The following XYLT1 variants were observed in gnomAD, a reference collection of about 807,000 sequenced individuals.
The protein encoded by XYLT1 is xylosyltransferase 1.
In XYLT1, 36 loss-of-function variants were observed where a neutral mutation model predicts 91.3. The ratio of observed to expected loss-of-function variants is 0.39; its 90% CI spans 0.30 to 0.52. The LOEUF (loss-of-function observed/expected upper bound fraction) is 0.52, where lower values mean the gene tolerates loss of function less well. Among genes scored for constraint, XYLT1 ranks in the 20% least tolerant of loss-of-function variants. The probability of loss-of-function intolerance (pLI) is 0.68; values close to 1 mark genes in which losing one functional copy is unlikely to be tolerated. For synonymous variants in XYLT1, 588 were observed against 532.0 expected (o/e 1.11, Z -1.45); for missense variants, 1,242 against 1,284.5 (o/e 0.97, Z 0.51).
intron 3 of XYLT1, among the ~76,000 whole-genome samples, chr16:17,214,255 G>A (rs749284814): frequency 1.3e-5 from 2 of 152,200 alleles, no homozygotes; most frequent in East Asian, 1.9e-4. Context: ...AAGAAGTTTC[G>A]TTTTGAAATC....
intron 3 of XYLT1, among the ~76,000 whole-genome samples, chr16:17,206,156 C>T (rs1230963181): frequency 6.6e-6 from 1 of 152,086 alleles, no homozygotes; most frequent in Non-Finnish European, 1.5e-5. Context: ...CATCTCTGAC[C>T]CCGCTGGGTT....
intron 5 of XYLT1, among the ~76,000 whole-genome samples, chr16:17,179,591 T>C (rs8045876): frequency 0.25 from 37,408 of 152,048 alleles, 5,060 homozygotes; most frequent in South Asian, 0.46. Flanking sequence ...CTAATGAGCA[T>C]GGAGGATGCA....
chr16:17,111,127 T>A (rs1966839947), intron 11 of XYLT1, among the ~76,000 whole-genome samples: 1 of 152,074 alleles, frequency 6.6e-6, no homozygotes, highest in African/African-American at 2.4e-5. Flanking sequence ...ACCATTGCAC[T>A]CCAGCCTGGT....
intron 6 of XYLT1, among the ~76,000 whole-genome samples, chr16:17,142,961 C>A (rs952784174): frequency 6.6e-6 from 1 of 152,048 alleles, no homozygotes; most frequent in African/African-American, 2.4e-5. Context: ...CACGAACCTC[C>A]CCTGAATTTT....
Position 17,134,738 on chromosome 16 carries a change from G to C in XYLT1, c.1765-3C>G. The stretch of plus-strand genomic sequence containing the variant: ...AAGAAGGTAGGCCGGGCTGTCTGCT[G>C]TACTCATGGGATTAAAAATAGAAAA... On this transcript the variant is annotated splice_region_variant and splice_polypyrimidine_tract_variant and intron_variant, in intron 8 of 11. Coordinates refer to ENST00000261381, the MANE Select transcript of XYLT1 (RefSeq NM_022166.4). The C allele has an allele frequency of 6.2e-7, 1 of 1,612,840 alleles. No individual in the cohort carries two copies. The highest frequency in any genetic ancestry group is 8.5e-7 in the Non-Finnish European group (1 of 1,178,948).
intron 2 of XYLT1, among the ~76,000 whole-genome samples, chr16:17,299,338 C>A (rs1440038026): frequency 6.6e-6 from 1 of 152,108 alleles, no homozygotes; most frequent in East Asian, 1.9e-4. Context: ...TGGCAGTAAG[C>A]CCCAGCAGGC....
At chr16:17,135,469 C>T (rs2030678873) in intron 8 of XYLT1, among the ~76,000 whole-genome samples, 1 of 151,562 alleles carries the variant, frequency 6.6e-6, no homozygotes, top group Non-Finnish European at 1.5e-5. Context: ...TTGCAGTGAG[C>T]CGAGACTGCC....
intron 5 of XYLT1, among the ~76,000 whole-genome samples, chr16:17,164,030 C>T (rs1397405761): frequency 2.0e-5 from 1 of 49,242 alleles, no homozygotes; most frequent in Non-Finnish European, 4.2e-5. Flanking sequence ...AAGAGCGAAA[C>T]TCTGTCTCAA....
intron 2 of XYLT1, among the ~76,000 whole-genome samples, chr16:17,301,185 T>C (rs1053216712): frequency 1.3e-5 from 2 of 151,572 alleles, no homozygotes; most frequent in Non-Finnish European, 2.9e-5. Context: ...CTGAGGCGGG[T>C]GGATTAGTTG....
chr16:17,285,131 C>A (rs1427355799), intron 2 of XYLT1, among the ~76,000 whole-genome samples: 2 of 152,158 alleles, frequency 1.3e-5, no homozygotes, highest in Non-Finnish European at 2.9e-5. Context: ...GAATGCATTG[C>A]CTGGGTGCTG....
chr16:17,278,531 T>C lies in XYLT1; in HGVS notation c.403-19033A>G, dbSNP rs112751574. On this transcript the variant is annotated intron_variant, in intron 2 of 11. Transcript: ENST00000261381. Reference sequence around the variant, plus strand: ...CACACTGTCTACTAAATCAAAGTCATTGCCATCATGCAACTTTCTGCTAAC... The same window carrying C: ...CACACTGTCTACTAAATCAAAGTCACTGCCATCATGCAACTTTCTGCTAAC... Among the ~76,000 whole-genome samples, 717 of 152,306 alleles carry C rather than the reference T, an allele frequency of 4.7e-3. 3 individuals are homozygous for C. The highest frequency in any genetic ancestry group is 0.027 in the Middle Eastern group (8 of 294).
At chr16:17,172,395 C>A (rs1006298341) in intron 5 of XYLT1, among the ~76,000 whole-genome samples, 1 of 150,844 alleles carries the variant, frequency 6.6e-6, no homozygotes, top group Non-Finnish European at 1.5e-5. Context: ...TTTCCCAGTT[C>A]TTCAGCAATT....
intron 2 of XYLT1, among the ~76,000 whole-genome samples, chr16:17,326,480 T>C (rs143276659): frequency 3.0e-4 from 46 of 152,258 alleles, no homozygotes; most frequent in African/African-American, 1.1e-3. Flanking sequence ...TCTTAGTCCA[T>C]GATGGCTGGA....
At chr16:17,167,963 G>A (rs563219071) in intron 5 of XYLT1, among the ~76,000 whole-genome samples, 211 of 152,274 alleles carry the variant, frequency 1.4e-3, no homozygotes, top group African/African-American at 4.5e-3. Flanking sequence ...CACTCCAGAC[G>A]GTTTATGCAA....
intron 2 of XYLT1, among the ~76,000 whole-genome samples, chr16:17,343,181 T>TA (rs1458071638): frequency 6.6e-6 from 1 of 152,146 alleles, no homozygotes; most frequent in Non-Finnish European, 1.5e-5. Flanking sequence ...TTGAACATGT[T>TA]ACAACGTCAG....
intron 11 of XYLT1, among the ~76,000 whole-genome samples, chr16:17,113,129 G>A (rs139314560): frequency 0.013 from 1,913 of 150,666 alleles, 42 homozygotes; most frequent in African/African-American, 0.044. Flanking sequence ...GTGAGCCACC[G>A]TGTCTGGCCT....
In XYLT1 at chr16:17,106,954, AAG is replaced by A. The variant is rs1205563382; in HGVS notation, c.*1739_*1740del. On this transcript the variant is annotated 3_prime_UTR_variant, in exon 12 of 12. Coordinates refer to ENST00000261381, the MANE Select transcript of XYLT1 (RefSeq NM_022166.4). ...GGAGGATGGGGGGTAGACGCAGAGA[AAG>A]AGAAACCGAGAGAGAGAGAGACACC... 4 of 152,140 alleles carry A rather than the reference AAG, an allele frequency of 2.6e-5. No individual in the cohort carries two copies. Among genetic ancestry groups the A allele is most frequent in the African/African-American group, 9.7e-5 (4 of 41,406 alleles). 9.4% of individuals were successfully genotyped at this position (152,140 alleles called of 1,614,324 possible). A position where few individuals can be genotyped will look rare whatever the true frequency, so the allele number is the denominator to read the frequency against.
At chr16:17,301,771 G>T (rs2034399720) in intron 2 of XYLT1, among the ~76,000 whole-genome samples, 1 of 152,178 alleles carries the variant, frequency 6.6e-6, no homozygotes, top group Admixed American at 6.5e-5. Flanking sequence ...AAGACTCGGA[G>T]GTTTACAAAA....
intron 3 of XYLT1, among the ~76,000 whole-genome samples, chr16:17,218,673 G>A (rs913750686): frequency 3.9e-5 from 6 of 152,070 alleles, no homozygotes; most frequent in East Asian, 1.9e-4. Context: ...CTATTACTCC[G>A]GCCCCCATCT....
Sources: gnomAD v4.1 joint callset for allele counts (sites outside exome capture counted in the v4.1 genomes callset) on GRCh38, gnomAD v4.1.1 for gene constraint, MANE v1.5 for transcripts, NCBI Gene and HGNC (gene_info 2026-07-23, HGNC 2026-07-21) for gene names.